ALDH2: variants seen among roughly 807,000 people sequenced by gnomAD.
The protein encoded by ALDH2 is aldehyde dehydrogenase 2 family member.
A neutral mutation model predicts 59.6 loss-of-function variants in ALDH2; 44 were observed. That is an observed-to-expected ratio of 0.74 (90% CI 0.58 to 0.95). The LOEUF is 0.95. Among genes scored for constraint, ALDH2 ranks in the 40% least tolerant of loss-of-function variants. The probability of loss-of-function intolerance (pLI) is 0.00; values close to 1 mark genes in which losing one functional copy is unlikely to be tolerated. For synonymous variants in ALDH2, 291 were observed against 284.0 expected (o/e 1.02, Z -0.25); for missense variants, 570 against 696.3 (o/e 0.82, Z 2.04).
chr12:111,780,970 G>A (rs1335754883), intron 1 of ALDH2, among the ~76,000 whole-genome samples: 1 of 152,018 alleles, frequency 6.6e-6, no homozygotes, highest in African/African-American at 2.4e-5. Flanking sequence ...TTAGCCAGGC[G>A]TAGTGGCGTG....
chr12:111,792,565 G>A, intron 8 of ALDH2, 33 bp from the exon 9 acceptor site: 1 of 1,598,002 alleles, frequency 6.3e-7, no homozygotes, highest in South Asian at 1.1e-5. Flanking sequence ...CCTCCTCACT[G>A]TCACCTTTCT....
At chr12:111,792,251 T>C in intron 8 of ALDH2, 88 bp downstream of exon 8, 1 of 1,039,730 alleles carries the variant, frequency 9.6e-7, no homozygotes, top group Non-Finnish European at 1.4e-6. Flanking sequence ...GCCCCCCCAG[T>C]GCCCAATGGC....
At chr12:111,793,131 C>A (rs772432951) in intron 9 of ALDH2, among the ~76,000 whole-genome samples, 14 of 152,248 alleles carry the variant, frequency 9.2e-5, no homozygotes, top group Admixed American at 6.5e-5. Context: ...GCTCTGTGAA[C>A]CTTCGTGTCT....
Position 111,817,194 on chromosome 12 carries a change from G to C in ALDH2, c.*7619G>C, listed in dbSNP as rs2068574312. On this transcript the variant is annotated 3_prime_UTR_variant, in exon 13 of 13. Transcript: ENST00000261733. ...AATAGAACTATGCAAAGCTACAGAG[G>C]ACATCACAACGGAAGTTATTAATGT... 6.6e-6 allele frequency: 1 copy of C among 152,154 alleles called. No homozygotes were observed. The highest frequency in any genetic ancestry group is 6.5e-5 in the Admixed American group (1 of 15,270). The allele number at this position is 152,154 out of a possible 1,614,324, so 9.4% of individuals were successfully genotyped here.
intron 9 of ALDH2, among the ~76,000 whole-genome samples, chr12:111,795,904 T>C (rs1593082476): frequency 6.6e-6 from 1 of 152,144 alleles, no homozygotes; most frequent in Non-Finnish European, 1.5e-5. Context: ...CATTTCTTTT[T>C]GTCTCATTTC....
At chr12:111,802,342 G>T (rs1244672035) in intron 11 of ALDH2, among the ~76,000 whole-genome samples, 1 of 151,064 alleles carries the variant, frequency 6.6e-6, no homozygotes, top group Non-Finnish European at 1.5e-5. Context: ...AACCCGGGAG[G>T]CAGAGGTTAC....
rs984491620 is a variant in ALDH2 at position 111,809,786 on chromosome 12, A to G, written c.*211A>G. On this transcript the variant is annotated 3_prime_UTR_variant, in exon 13 of 13. Transcript: ENST00000261733. ...TATATGAGGAACCTTTTAAACGACA[A>G]CAATACTGCTAGCTTTCAGGATGAT... 8 of 586,784 alleles carry G rather than the reference A, an allele frequency of 1.4e-5. No homozygotes were observed. Among genetic ancestry groups the G allele is most frequent in the African/African-American group, 1.9e-5 (1 of 53,392 alleles). The allele number at this position is 586,784 out of a possible 1,614,324, so 36.3% of individuals were successfully genotyped here.
At chr12:111,782,809 G>A (rs1476909625) in intron 2 of ALDH2, among the ~76,000 whole-genome samples, 1 of 151,982 alleles carries the variant, frequency 6.6e-6, no homozygotes, top group African/African-American at 2.4e-5. Flanking sequence ...GCTTGAACCC[G>A]GGAGGCGGAG....
At chr12:111,786,183 T>C (rs1006627823) in intron 4 of ALDH2, among the ~76,000 whole-genome samples, 4 of 152,224 alleles carry the variant, frequency 2.6e-5, no homozygotes, top group Non-Finnish European at 4.4e-5. Flanking sequence ...TTCCTTCCTT[T>C]TACTAGCTTT....
rs1566198821 is a variant in ALDH2 at position 111,810,262 on chromosome 12, C to T, written c.*687C>T. On this transcript the variant is annotated 3_prime_UTR_variant, in exon 13 of 13. Coordinates refer to ENST00000261733, the MANE Select transcript of ALDH2 (RefSeq NM_000690.4). ...GAGGTTGCAGTGAGTGGAGATCATGCCACTGCACTCCAGCCTGGGAGTCAG... is the reference window on the plus strand; with the variant it reads ...GAGGTTGCAGTGAGTGGAGATCATGTCACTGCACTCCAGCCTGGGAGTCAG... The T allele has an allele frequency of 6.6e-6, 1 of 152,408 alleles. No homozygotes were observed. The allele number at this position is 152,408 out of a possible 1,614,324, so 9.4% of individuals were successfully genotyped here. A position where few individuals can be genotyped will look rare whatever the true frequency, so the allele number is the denominator to read the frequency against.
chr12:111,773,065 A>G (rs1180936269), intron 1 of ALDH2, among the ~76,000 whole-genome samples: 4 of 148,272 alleles, frequency 2.7e-5, no homozygotes. Flanking sequence ...AGCCTGACCA[A>G]TATGATGAAA....
Position 111,790,417 on chromosome 12 carries a change from G to A in ALDH2, c.553-17G>A. Reference sequence around the variant, plus strand: ...TGAGGAAGCTTGGATTTCGAGGGCTGCTGTTGTTTGTTGCAGTGGAATTTC... The same window carrying A: ...TGAGGAAGCTTGGATTTCGAGGGCTACTGTTGTTTGTTGCAGTGGAATTTC... On this transcript the variant is annotated splice_polypyrimidine_tract_variant and intron_variant, in intron 5 of 12. Transcript: ENST00000261733. The A allele has an allele frequency of 6.2e-7, 1 of 1,614,170 alleles. No individual in the cohort carries two copies. The highest frequency in any genetic ancestry group is 8.5e-7 in the Non-Finnish European group (1 of 1,180,016).
In ALDH2 at chr12:111,804,876, C is replaced by T. The variant is rs140064497; in HGVS notation, c.1521+903C>T. 4.6e-3 allele frequency among the ~76,000 whole-genome samples: 696 copies of T among 152,154 alleles called. 7 individuals are homozygous for T. Among genetic ancestry groups the T allele is most frequent in the African/African-American group, 0.015 (635 of 41,526 alleles). On this transcript the variant is annotated intron_variant, in intron 12 of 12. Coordinates refer to ENST00000261733, the MANE Select transcript of ALDH2 (RefSeq NM_000690.4). Reference sequence around the variant, plus strand: ...CTATTAGGCATGAGATATCAAGGCCCATAACCATATGCATCTCCTTTGATT... The same window carrying T: ...CTATTAGGCATGAGATATCAAGGCCTATAACCATATGCATCTCCTTTGATT...
chr12:111,799,239 A>C (rs553689404), intron 10 of ALDH2, among the ~76,000 whole-genome samples: 1 of 150,932 alleles, frequency 6.6e-6, no homozygotes, highest in South Asian at 2.1e-4. Flanking sequence ...ATCTCAGCTC[A>C]CTGCAACCTC....
intron 1 of ALDH2, among the ~76,000 whole-genome samples, chr12:111,772,145 A>G (rs995796584): frequency 6.6e-6 from 1 of 152,152 alleles, no homozygotes; most frequent in African/African-American, 2.4e-5. Context: ...CCCCATGAGC[A>G]GATATTAAAA....
intron 12 of ALDH2, among the ~76,000 whole-genome samples, chr12:111,809,010 G>T (rs1297097140): frequency 6.6e-6 from 1 of 152,144 alleles, no homozygotes; most frequent in African/African-American, 2.4e-5. Context: ...AAGTACTGTG[G>T]TTCTCTTTAG....
At position 111,783,183 on chromosome 12, in the gene ALDH2, C is replaced by T; in HGVS notation, c.245C>T (p.Ala82Val). The T allele has an allele frequency of 1.2e-6, 2 of 1,612,522 alleles. No individual in the cohort carries two copies. The highest frequency in any genetic ancestry group is 2.2e-5 in the East Asian group (1 of 44,814). ...DKEDVDKAVK[A>V]ARAAFQLGSP... ...GAAGATGTGGACAAGGCAGTGAAGG[C>T]CGCCCGGGCCGCCTTCCAGCTGGGC... Residue 82 changes from alanine to valine, a missense_variant, in exon 3 of 13, where the codon GCC (alanine) becomes GTC (valine). Coordinates refer to ENST00000261733, the MANE Select transcript of ALDH2 (RefSeq NM_000690.4).
At chr12:111,800,164 G>T in intron 11 of ALDH2, 101 bp downstream of exon 11, 1 of 1,388,854 alleles carries the variant, frequency 7.2e-7, no homozygotes, top group Non-Finnish European at 9.6e-7. Context: ...GGGGAGCTGG[G>T]CTCAGTTTCT....
intron 6 of ALDH2, among the ~76,000 whole-genome samples, 200 bp from the exon 7 acceptor site, chr12:111,791,106 A>G (rs1254279023): frequency 1.3e-5 from 2 of 152,136 alleles, no homozygotes; most frequent in Admixed American, 6.5e-5. Flanking sequence ...GGAGGGGCAA[A>G]GACACAGGGA....
Sources: allele counts gnomAD v4.1 joint callset (sites outside exome capture counted in the v4.1 genomes callset), GRCh38; gene constraint gnomAD v4.1.1; transcripts MANE v1.5; gene names NCBI Gene and HGNC (gene_info 2026-07-23, HGNC 2026-07-21).